The following TLR4 variants were observed in gnomAD, a reference collection of about 807,000 sequenced individuals.
TLR4 encodes toll like receptor 4.
A neutral mutation model predicts 27.4 loss-of-function variants in TLR4; 17 were observed. The ratio of observed to expected loss-of-function variants is 0.62; its 90% CI spans 0.42 to 0.93. The LOEUF is 0.93. TLR4 is among the 40% of genes least tolerant of loss of function. The probability of loss-of-function intolerance (pLI) is 0.00; values close to 1 mark genes in which losing one functional copy is unlikely to be tolerated. For missense variants in TLR4, 926 were observed against 962.3 expected (o/e 0.96, Z 0.50); for synonymous variants, 363 against 365.7 (o/e 0.99, Z 0.08).
Position 117,708,617 on chromosome 9 carries a change from G to A in TLR4, c.148G>A (p.Asp50Asn), listed in dbSNP as rs776561489. ...GGAGCTGAATTTCTACAAAATCCCC[G>A]ACAACCTCCCCTTCTCAACCAAGAA... ...CMELNFYKIP[D>N]NLPFSTKNLD... is the part of the protein sequence containing the mutation. Residue 50 changes from aspartate to asparagine, a missense_variant, in exon 2 of 3, where the codon GAC becomes AAC. Coordinates refer to ENST00000355622, the MANE Select transcript of TLR4 (RefSeq NM_138554.5). 16 of 1,613,744 alleles carry A rather than the reference G, an allele frequency of 9.9e-6. No homozygotes were observed. Among genetic ancestry groups the A allele is most frequent in the South Asian group, 9.9e-5 (9 of 91,068 alleles).
chr9:117,721,877 A>G lies in TLR4; in HGVS notation c.*7229A>G, dbSNP rs1383911073. On this transcript the variant is annotated 3_prime_UTR_variant, in exon 3 of 3. Coordinates refer to ENST00000355622, the MANE Select transcript of TLR4 (RefSeq NM_138554.5). ...AGGTCAGATAATGTATTTTTATTTT[A>G]CACTGTATAGTTGATTCTTCTCAAT... The G allele has an allele frequency of 2.0e-5, 3 of 152,142 alleles. No individual in the cohort carries two copies. The highest frequency in any genetic ancestry group is 4.4e-5 in the Non-Finnish European group (3 of 68,036). The allele number at this position is 152,142 out of a possible 1,614,324, so 9.4% of individuals were successfully genotyped here.
At chr9:117,711,034 A>G (rs1420732760) in intron 2 of TLR4, among the ~76,000 whole-genome samples, 1 of 152,174 alleles carries the variant, frequency 6.6e-6, no homozygotes, top group Non-Finnish European at 1.5e-5. Flanking sequence ...AAAGAACTTC[A>G]AAAATAATCA....
In TLR4 at chr9:117,713,523, C is replaced by G. The variant is rs200649353; in HGVS notation, c.1395C>G (p.Gly465=). The G allele has an allele frequency of 9.9e-6, 16 of 1,614,016 alleles. No homozygotes were observed. The highest frequency in any genetic ancestry group is 1.3e-5 in the African/African-American group (1 of 74,920). ...SHTHTRVAFN[G]IFNGLSSLEV... ...CTCACACCAGAGTTGCTTTCAATGG[C>G]ATCTTCAATGGCTTGTCCAGTCTCG... The change falls in exon 3 of 3, where the codon GGC becomes GGG. Residue 465 remains glycine (G), a synonymous_variant. Coordinates refer to ENST00000355622, the MANE Select transcript of TLR4 (RefSeq NM_138554.5).
In TLR4 at chr9:117,718,534, T is replaced by C. The variant is rs1554973; in HGVS notation, c.*3886T>C. 0.37 allele frequency: 56,821 copies of C among 151,840 alleles called. 14,102 individuals are homozygous for C. Among genetic ancestry groups the C allele is most frequent in the African/African-American group, 0.71 (29,538 of 41,374 alleles). 9.4% of individuals were successfully genotyped at this position (151,840 alleles called of 1,614,324 possible). A position where few individuals can be genotyped will look rare whatever the true frequency, so the allele number is the denominator to read the frequency against. On this transcript the variant is annotated 3_prime_UTR_variant, in exon 3 of 3. Transcript: ENST00000355622. ...GAAAGACACCGAGAATGAGCGTTAA[T>C]ACAGTGCTTTCCATTTTTCTGGTGT...
chr9:117,713,394 A>C lies in TLR4; in HGVS notation c.1266A>C (p.Glu422Asp). Reference protein sequence around the residue: ...ITMSSNFLGLEQLEHLDFQHS... With the variant: ...ITMSSNFLGLDQLEHLDFQHS... ...TGAGTTCAAACTTCTTGGGCTTAGA[A>C]CAACTAGAACATCTGGATTTCCAGC... Residue 422 changes from glutamate (E) to aspartate (D), a missense_variant, in exon 3 of 3, where the codon GAA (glutamate) becomes GAC (aspartate). By Grantham distance (45) the Glu-to-Asp change is conservative. Coordinates refer to ENST00000355622, the MANE Select transcript of TLR4 (RefSeq NM_138554.5). The C allele has an allele frequency of 6.2e-7, 1 of 1,614,048 alleles. No homozygotes were observed. The highest frequency in any genetic ancestry group is 8.5e-7 in the Non-Finnish European group (1 of 1,179,974).
Position 117,717,392 on chromosome 9 carries a change from A to G in TLR4, c.*2744A>G, listed in dbSNP as rs148087258. On this transcript the variant is annotated 3_prime_UTR_variant, in exon 3 of 3. Coordinates refer to ENST00000355622, the MANE Select transcript of TLR4 (RefSeq NM_138554.5). ...GTTCATCTTCTGAATTAGGCACAGTAAGAGATTAACAATAACTAACAATAA... is the reference window on the plus strand; with the variant it reads ...GTTCATCTTCTGAATTAGGCACAGTGAGAGATTAACAATAACTAACAATAA... 2 of 152,152 alleles carry G rather than the reference A, an allele frequency of 1.3e-5. No homozygotes were observed. Among genetic ancestry groups the G allele is most frequent in the African/African-American group, 4.8e-5 (2 of 41,436 alleles). 9.4% of individuals were successfully genotyped at this position (152,152 alleles called of 1,614,324 possible).
Position 117,712,587 on chromosome 9 carries a change from A to G in TLR4, c.459A>G (p.Lys153=). 11 of 1,614,084 alleles carry G rather than the reference A, an allele frequency of 6.8e-6. No homozygotes were observed. Among genetic ancestry groups the G allele is most frequent in the Non-Finnish European group, 9.3e-6 (11 of 1,179,972 alleles). ...NFPIGHLKTL[K]ELNVAHNLIQ... ...CCATTGGACATCTCAAAACTTTGAA[A>G]GAACTTAATGTGGCTCACAATCTTA... Residue 153 remains lysine, a synonymous_variant, in exon 3 of 3, where the codon AAA becomes AAG. Coordinates refer to ENST00000355622, the MANE Select transcript of TLR4 (RefSeq NM_138554.5).
At position 117,714,219 on chromosome 9, in the gene TLR4, A is replaced by G; in HGVS notation, c.2091A>G (p.Glu697=). ...WVRNELVKNL[E]EGVPPFQLCL... is the part of the protein sequence containing the mutation. ...GGAATGAGCTAGTAAAGAATTTAGA[A>G]GAAGGGGTGCCTCCATTTCAGCTCT... Residue 697 remains glutamate (E), a synonymous_variant, in exon 3 of 3, where the codon GAA becomes GAG. Transcript: ENST00000355622. 1 of 1,606,502 alleles carries G rather than the reference A, an allele frequency of 6.2e-7. No homozygotes were observed. The highest frequency in any genetic ancestry group is 8.5e-7 in the Non-Finnish European group (1 of 1,173,618).
rs1829426192 is a variant in TLR4, at chr9:117,721,850, C to G, written c.*7202C>G. The G allele has an allele frequency of 6.6e-6, 1 of 152,124 alleles. No homozygotes were observed. The highest frequency in any genetic ancestry group is 2.4e-5 in the African/African-American group (1 of 41,420). The allele number at this position is 152,124 out of a possible 1,614,324, so 9.4% of individuals were successfully genotyped here. A position where few individuals can be genotyped will look rare whatever the true frequency, so the allele number is the denominator to read the frequency against. ...TTGCTAAGATTCATGATAGCCCAGG[C>G]AAGGTCAGATAATGTATTTTTATTT... On this transcript the variant is annotated 3_prime_UTR_variant, in exon 3 of 3. Transcript: ENST00000355622.
At position 117,718,985 on chromosome 9, in the gene TLR4, A is replaced by G. The variant is rs1829391599; in HGVS notation, c.*4337A>G. The G allele has an allele frequency of 6.6e-6, 1 of 152,190 alleles. No homozygotes were observed. Among genetic ancestry groups the G allele is most frequent in the Admixed American group, 6.5e-5 (1 of 15,270 alleles). The allele number at this position is 152,190 out of a possible 1,614,324, so 9.4% of individuals were successfully genotyped here. A position where few individuals can be genotyped will look rare whatever the true frequency, so the allele number is the denominator to read the frequency against. On this transcript the variant is annotated 3_prime_UTR_variant, in exon 3 of 3. Coordinates refer to ENST00000355622, the MANE Select transcript of TLR4 (RefSeq NM_138554.5). ...GAAATCATCAGCAGGCTCCTGGAGA[A>G]GCTTAAATGAACTCACACAATATGT...
At position 117,714,903 on chromosome 9, in the gene TLR4, C is replaced by A; in HGVS notation, c.*255C>A. The A allele has an allele frequency of 1.9e-6, 1 of 534,706 alleles. No homozygotes were observed. Among genetic ancestry groups the A allele is most frequent in the South Asian group, 2.1e-5 (1 of 46,636 alleles). 33.1% of individuals were successfully genotyped at this position (534,706 alleles called of 1,614,324 possible). A position where few individuals can be genotyped will look rare whatever the true frequency, so the allele number is the denominator to read the frequency against. On this transcript the variant is annotated 3_prime_UTR_variant, in exon 3 of 3. Transcript: ENST00000355622. ...TCAAGGAACCCATGACAAAGAAAGT[C>A]ATTTCAACTCTTACCTCATCAAGTT...
rs202114774 is a variant in TLR4, at chr9:117,713,683, C to G, written c.1555C>G (p.Leu519Val). 5 of 1,613,918 alleles carry G rather than the reference C, an allele frequency of 3.1e-6. No individual in the cohort carries two copies. The highest frequency in any genetic ancestry group is 1.3e-5 in the African/African-American group (1 of 74,924). The change falls in exon 3 of 3, where the codon CTC becomes GTC. Residue 519 changes from leucine to valine, a missense_variant. Leu to Val is a conservative substitution (Grantham distance 32, BLOSUM62 1). Transcript: ENST00000355622. ...EQLSPTAFNS[L>V]SSLQVLNMSH... ...GTTGTCTCCAACAGCATTTAACTCA[C>G]TCTCCAGTCTTCAGGTACTAAATAT...
At chr9:117,708,280 C>T in intron 1 of TLR4, 1 of 1,210,600 alleles carries the variant, frequency 8.3e-7, no homozygotes, top group African/African-American at 1.6e-5. Flanking sequence ...CACCCCGATT[C>T]CATTGCTTCT....
Position 117,716,027 on chromosome 9 carries a change from A to T in TLR4, c.*1379A>T, listed in dbSNP as rs1829340787. The T allele has an allele frequency of 6.6e-6, 1 of 152,202 alleles. No individual in the cohort carries two copies. The highest frequency in any genetic ancestry group is 2.4e-5 in the African/African-American group (1 of 41,462). 9.4% of individuals were successfully genotyped at this position (152,202 alleles called of 1,614,324 possible). On this transcript the variant is annotated 3_prime_UTR_variant, in exon 3 of 3. Coordinates refer to ENST00000355622, the MANE Select transcript of TLR4 (RefSeq NM_138554.5). The stretch of plus-strand genomic sequence containing the variant: ...AAAAACCACAATGAGATATCACCTT[A>T]TACCAGGTAGAATGGCTACTATAAA...
rs1588095949 is a variant in TLR4 at position 117,714,900 on chromosome 9, A to T, written c.*252A>T. On this transcript the variant is annotated 3_prime_UTR_variant, in exon 3 of 3. Coordinates refer to ENST00000355622, the MANE Select transcript of TLR4 (RefSeq NM_138554.5). ...CAGTCAAGGAACCCATGACAAAGAA[A>T]GTCATTTCAACTCTTACCTCATCAA... 3.7e-6 allele frequency: 2 copies of T among 541,068 alleles called. No homozygotes were observed. The highest frequency in any genetic ancestry group is 6.7e-6 in the Non-Finnish European group (2 of 300,424). 33.5% of individuals were successfully genotyped at this position (541,068 alleles called of 1,614,324 possible).
rs41273370 is a variant in TLR4, at chr9:117,709,001, C to A, written c.260+272C>A. 3.5e-3 allele frequency: 1,410 copies of A among 403,794 alleles called. 11 individuals carry two copies. Among genetic ancestry groups the A allele is most frequent in the Non-Finnish European group, 5.3e-3 (1,160 of 218,576 alleles). 25.0% of individuals were successfully genotyped at this position (403,794 alleles called of 1,614,324 possible). A position where few individuals can be genotyped will look rare whatever the true frequency, so the allele number is the denominator to read the frequency against. On this transcript the variant is annotated intron_variant, in intron 2 of 2. Transcript: ENST00000355622. ...CTTTTAAGACAGGAGAGAAAATTAG[C>A]TTAAATTCTTTCATAAGCAGCTATT...
Position 117,713,097 on chromosome 9 carries a change from A to G in TLR4, c.969A>G (p.Val323=). Reference sequence around the variant, plus strand: ...TGGTGAGTGTGACTATTGAAAGGGTAAAAGACTTTTCTTATAATTTCGGAT... The same window carrying G: ...TGGTGAGTGTGACTATTGAAAGGGTGAAAGACTTTTCTTATAATTTCGGAT... ...FSLVSVTIER[V]KDFSYNFGWQ... The change falls in exon 3 of 3, where the codon GTA becomes GTG. Residue 323 remains valine (V), a synonymous_variant. Transcript: ENST00000355622. 1.2e-6 allele frequency: 2 copies of G among 1,612,746 alleles called. No homozygotes were observed. Among genetic ancestry groups the G allele is most frequent in the Non-Finnish European group, 1.7e-6 (2 of 1,179,144 alleles).
At chr9:117,705,538 T>C (rs2131161371) in intron 1 of TLR4, among the ~76,000 whole-genome samples, 1 of 152,332 alleles carries the variant, frequency 6.6e-6, no homozygotes, top group South Asian at 2.1e-4. Flanking sequence ...TTAGGCTCAC[T>C]GCGAGATAAA....
chr9:117,708,271 A>G lies in TLR4; in HGVS notation c.94-292A>G, dbSNP rs548662649. 2.1e-4 allele frequency: 250 copies of G among 1,178,034 alleles called. No individual in the cohort carries two copies. In the African/African-American group the frequency reaches 3.7e-3, roughly 18 times the overall value. The allele number at this position is 1,178,034 out of a possible 1,614,324, so 73.0% of individuals were successfully genotyped here. ...TCAGACTCCGGAGCCTCAGCCCTTCACCCCGATTCCATTGCTTCTTGCTAA... is the reference window on the plus strand; with the variant it reads ...TCAGACTCCGGAGCCTCAGCCCTTCGCCCCGATTCCATTGCTTCTTGCTAA... On this transcript the variant is annotated intron_variant, in intron 1 of 2. Transcript: ENST00000355622.
Sources: gnomAD v4.1 joint callset for allele counts (sites outside exome capture counted in the v4.1 genomes callset) on GRCh38, gnomAD v4.1.1 for gene constraint, MANE v1.5 for transcripts, NCBI Gene and HGNC (gene_info 2026-07-23, HGNC 2026-07-21) for gene names.